DRC11: variants seen among roughly 807,000 people sequenced by gnomAD.
DRC11 encodes the protein dynein regulatory complex subunit 11.
chr2:236,507,388 T>C, the DRC11 span: 4 of 990,146 alleles, frequency 4.0e-6, no homozygotes, highest in East Asian at 9.6e-5. Flanking sequence ...GTGGGGGGTC[T>C]TCTGGAGGGA....
the DRC11 span, among the ~76,000 whole-genome samples, chr2:236,394,783 G>A: frequency 2.6e-5 from 4 of 152,236 alleles, no homozygotes; most frequent in South Asian, 8.3e-4. The surrounding 1 kb of genome is among the most constrained non-coding windows in gnomAD (Gnocchi z 7.0). Flanking sequence ...GTCTGAGCGG[G>A]GTGGGTGGTG....
the DRC11 span, among the ~76,000 whole-genome samples, chr2:236,393,009 T>C: frequency 6.6e-6 from 1 of 152,300 alleles, no homozygotes; most frequent in South Asian, 2.1e-4. The surrounding 1 kb of genome is among the most constrained non-coding windows in gnomAD (Gnocchi z 4.7). Context: ...CTAAAATAAA[T>C]GGAAATAGAG....
chr2:236,463,513 T>C, the DRC11 span, among the ~76,000 whole-genome samples: 1 of 152,194 alleles, frequency 6.6e-6, no homozygotes, highest in Admixed American at 6.5e-5. The surrounding 1 kb of genome is among the most constrained non-coding windows in gnomAD (Gnocchi z 5.0). Flanking sequence ...CTTTTAAAAT[T>C]GTATTGTAGG....
At chr2:236,390,756 G>A in the DRC11 span, among the ~76,000 whole-genome samples, 1 of 152,090 alleles carries the variant, frequency 6.6e-6, no homozygotes, top group East Asian at 1.9e-4. The surrounding 1 kb of genome is among the most constrained non-coding windows in gnomAD (Gnocchi z 5.9). Context: ...CAGGGTTTGT[G>A]GGAGGCCCAT....
At chr2:236,431,123 C>T in the DRC11 span, among the ~76,000 whole-genome samples, 1 of 152,170 alleles carries the variant, frequency 6.6e-6, no homozygotes, top group Non-Finnish European at 1.5e-5. This position sits in a 1 kb window ranked among gnomAD's most constrained non-coding sequence, Gnocchi z 4.2. Context: ...TGTTCCACTA[C>T]CACAAATCAG....
At chr2:236,452,585 C>G in the DRC11 span, among the ~76,000 whole-genome samples, 1 of 152,202 alleles carries the variant, frequency 6.6e-6, no homozygotes, top group Non-Finnish European at 1.5e-5. The surrounding 1 kb of genome is among the most constrained non-coding windows in gnomAD (Gnocchi z 4.7). Flanking sequence ...TGCACATGGA[C>G]TTAATTACCA....
the DRC11 span, among the ~76,000 whole-genome samples, chr2:236,416,767 AT>A: frequency 2.1e-3 from 208 of 99,596 alleles, 4 homozygotes; most frequent in East Asian, 0.011. Context: ...ATATATATAT[AT>A]AAATAATTTT....
chr2:236,341,300 C>A, the DRC11 span, among the ~76,000 whole-genome samples: 1 of 152,230 alleles, frequency 6.6e-6, no homozygotes, highest in East Asian at 1.9e-4. Flanking sequence ...ACCGCCTTCA[C>A]CTCAGATACA....
chr2:236,411,422 A>C, the DRC11 span, among the ~76,000 whole-genome samples: 1 of 151,400 alleles, frequency 6.6e-6, no homozygotes, highest in Non-Finnish European at 1.5e-5. Context: ...ATGTGGAGAA[A>C]TAGGAACACT....
the DRC11 span, among the ~76,000 whole-genome samples, chr2:236,498,030 G>C: frequency 6.6e-6 from 1 of 152,120 alleles, no homozygotes; most frequent in South Asian, 2.1e-4. Context: ...ACCAGTAAGA[G>C]AGTGGATAAA....
At chr2:236,350,046 C>T in the DRC11 span, among the ~76,000 whole-genome samples, 17 of 152,270 alleles carry the variant, frequency 1.1e-4, no homozygotes, top group African/African-American at 4.1e-4. The surrounding 1 kb of genome is among the most constrained non-coding windows in gnomAD (Gnocchi z 5.2). Context: ...ATGTGAATAC[C>T]AAGTATTTCA....
At chr2:236,428,050 T>C in the DRC11 span, among the ~76,000 whole-genome samples, 1 of 152,182 alleles carries the variant, frequency 6.6e-6, no homozygotes, top group Admixed American at 6.5e-5. Flanking sequence ...TCAAAGATTT[T>C]TCCTTTTATT....
At chr2:236,336,656 C>T in the DRC11 span, among the ~76,000 whole-genome samples, 1 of 152,190 alleles carries the variant, frequency 6.6e-6, no homozygotes, top group Non-Finnish European at 1.5e-5. The surrounding 1 kb of genome is among the most constrained non-coding windows in gnomAD (Gnocchi z 7.3). Flanking sequence ...TGCCTCCACC[C>T]CTACTGCCAG....
chr2:236,375,279 AG>A, the DRC11 span, among the ~76,000 whole-genome samples: 1 of 152,168 alleles, frequency 6.6e-6, no homozygotes, highest in East Asian at 1.9e-4. This position sits in a 1 kb window ranked among gnomAD's most constrained non-coding sequence, Gnocchi z 4.2. Context: ...TCATTGAAAA[AG>A]TTCAGAAGGG....
At chr2:236,372,384 T>C in the DRC11 span, among the ~76,000 whole-genome samples, 1 of 152,204 alleles carries the variant, frequency 6.6e-6, no homozygotes, top group Non-Finnish European at 1.5e-5. This position sits in a 1 kb window ranked among gnomAD's most constrained non-coding sequence, Gnocchi z 4.5. Flanking sequence ...TTTTCTGAAA[T>C]AGACAATTCT....
chr2:236,380,227 G>A, the DRC11 span, among the ~76,000 whole-genome samples: 1 of 152,198 alleles, frequency 6.6e-6, no homozygotes, highest in African/African-American at 2.4e-5. This position sits in a 1 kb window ranked among gnomAD's most constrained non-coding sequence, Gnocchi z 4.9. Flanking sequence ...AGGCGCTCGG[G>A]CAGATTCCTG....
chr2:236,339,225 T>G, the DRC11 span, among the ~76,000 whole-genome samples: 1 of 152,200 alleles, frequency 6.6e-6, no homozygotes, highest in Non-Finnish European at 1.5e-5. Flanking sequence ...GAAAAATGTG[T>G]ATTTAGATTG....
At chr2:236,321,906 T>C in the DRC11 span, among the ~76,000 whole-genome samples, 1 of 152,148 alleles carries the variant, frequency 6.6e-6, no homozygotes, top group African/African-American at 2.4e-5. Flanking sequence ...CGGGCCCCAG[T>C]AAAACAATGG....
chr2:236,310,800 G>A, the DRC11 span, among the ~76,000 whole-genome samples: 49 of 152,328 alleles, frequency 3.2e-4, no homozygotes, highest in South Asian at 8.3e-4. The surrounding 1 kb of genome is among the most constrained non-coding windows in gnomAD (Gnocchi z 5.5). Flanking sequence ...AAAGCTAGGC[G>A]AGGGTATTTT....
Sources: allele counts gnomAD v4.1 joint callset (sites outside exome capture counted in the v4.1 genomes callset), GRCh38; gene constraint gnomAD v4.1.1; non-coding constraint Gnocchi (gnomAD v3.1); transcripts MANE v1.5; gene names NCBI Gene and HGNC (gene_info 2026-07-23, HGNC 2026-07-21).